The following SHROOM3 variants were observed in gnomAD, a reference collection of about 807,000 sequenced individuals.
SHROOM3 encodes the protein protein Shroom3.
In SHROOM3, 47 loss-of-function variants were observed where a neutral mutation model predicts 138.6. That is an observed-to-expected ratio of 0.34 (90% CI 0.27 to 0.43). SHROOM3 has a LOEUF of 0.43. Among genes scored for constraint, SHROOM3 ranks in the 20% least tolerant of loss-of-function variants. The probability of loss-of-function intolerance (pLI) is 1.00; values close to 1 mark genes in which losing one functional copy is unlikely to be tolerated. For synonymous variants in SHROOM3, 1,062 were observed against 1,063.3 expected (o/e 1.00, Z 0.02); for missense variants, 2,491 against 2,596.5 (o/e 0.96, Z 0.88).
intron 2 of SHROOM3, among the ~76,000 whole-genome samples, chr4:76,708,940 G>C (rs558474907): frequency 7.9e-5 from 12 of 152,090 alleles, no homozygotes; most frequent in Non-Finnish European, 1.5e-4. Flanking sequence ...TCCTAAATTC[G>C]GTGAGAAAAG....
chr4:76,530,305 G>A (rs903136339), intron 1 of SHROOM3, among the ~76,000 whole-genome samples: 3 of 152,132 alleles, frequency 2.0e-5, no homozygotes, highest in Non-Finnish European at 4.4e-5. Context: ...TTTAGGGCAT[G>A]GTTTTGGAAC....
intron 2 of SHROOM3, among the ~76,000 whole-genome samples, chr4:76,653,469 A>T (rs1736003669): frequency 6.6e-6 from 1 of 151,798 alleles, no homozygotes; most frequent in Admixed American, 6.6e-5. Context: ...GAGAACCAGC[A>T]TTCTAGATAC....
intron 1 of SHROOM3, among the ~76,000 whole-genome samples, chr4:76,505,576 T>C (rs1025564991): frequency 2.7e-5 from 4 of 150,830 alleles, no homozygotes; most frequent in African/African-American, 9.7e-5. Flanking sequence ...TAAATAATAA[T>C]ACAACAATAA....
chr4:76,466,571 C>T (rs1420117767), intron 1 of SHROOM3, among the ~76,000 whole-genome samples: 1 of 152,154 alleles, frequency 6.6e-6, no homozygotes, highest in Non-Finnish European at 1.5e-5. Flanking sequence ...ACGTTTTAAC[C>T]TGATGCAGAA....
intron 2 of SHROOM3, among the ~76,000 whole-genome samples, chr4:76,565,160 C>CAAAAAAAAAAAAAAAAAAAAAAAA (rs1166896258): frequency 5.9e-5 from 8 of 135,892 alleles, no homozygotes; most frequent in African/African-American, 2.2e-4. Context: ...GACTCCATTT[C>CAAAAAAAAAAAAAAAAAAAAAAAA]AAAAAAAAAA....
chr4:76,593,040 C>G (rs183782041), intron 2 of SHROOM3, among the ~76,000 whole-genome samples: 63 of 152,270 alleles, frequency 4.1e-4, no homozygotes, highest in African/African-American at 1.4e-3. Context: ...CGAGTGATGA[C>G]TAGCTCAGGA....
At chr4:76,599,761 A>G (rs1325684480) in intron 2 of SHROOM3, among the ~76,000 whole-genome samples, 1 of 152,116 alleles carries the variant, frequency 6.6e-6, no homozygotes, top group African/African-American at 2.4e-5. Context: ...AGCTGTTACG[A>G]GGGTTAAGGA....
At chr4:76,503,901 A>G (rs1732151009) in intron 1 of SHROOM3, among the ~76,000 whole-genome samples, 1 of 152,172 alleles carries the variant, frequency 6.6e-6, no homozygotes, top group Non-Finnish European at 1.5e-5. Context: ...CTTTTATTAA[A>G]GACTTTTCCA....
At chr4:76,568,208 A>T (rs1004452287) in intron 2 of SHROOM3, among the ~76,000 whole-genome samples, 1 of 152,198 alleles carries the variant, frequency 6.6e-6, no homozygotes, top group Non-Finnish European at 1.5e-5. Flanking sequence ...AGGCTGCCTG[A>T]CATTGCCTCT....
chr4:76,755,697 G>A (rs769654157), intron 7 of SHROOM3, among the ~76,000 whole-genome samples: 31 of 152,048 alleles, frequency 2.0e-4, no homozygotes, highest in Non-Finnish European at 4.1e-4. Context: ...ACAGCCTTGA[G>A]GCAGCCTCAG....
chr4:76,703,994 A>G (rs1190771772), intron 2 of SHROOM3, among the ~76,000 whole-genome samples: 1 of 152,242 alleles, frequency 6.6e-6, no homozygotes, highest in African/African-American at 2.4e-5. Context: ...GTCTGTCCCA[A>G]GAAAGCCTGC....
At chr4:76,464,822 C>T (rs773974673) in intron 1 of SHROOM3, among the ~76,000 whole-genome samples, 18 of 152,176 alleles carry the variant, frequency 1.2e-4, no homozygotes, top group Non-Finnish European at 1.9e-4. Context: ...CTTGCTTCCC[C>T]TTCACCTTTT....
At chr4:76,770,335 AAAAAAAAAAAAAAAAACAG>A (rs1465502557) in intron 9 of SHROOM3, among the ~76,000 whole-genome samples, 3 of 147,354 alleles carry the variant, frequency 2.0e-5, no homozygotes, top group Non-Finnish European at 3.0e-5. Flanking sequence ...AAAAAAAAAA[AAAAAAAAAAAAAAAAACAG>A]AAGACAAAGC....
chr4:76,642,666 A>G (rs1442877196), intron 2 of SHROOM3, among the ~76,000 whole-genome samples: 3 of 152,206 alleles, frequency 2.0e-5, no homozygotes, highest in Admixed American at 6.5e-5. Flanking sequence ...ATTTAAGCCG[A>G]ACTGTAAAGA....
chr4:76,576,205 T>A (rs1733933572), intron 2 of SHROOM3, among the ~76,000 whole-genome samples: 1 of 152,234 alleles, frequency 6.6e-6, no homozygotes, highest in Admixed American at 6.5e-5. Context: ...CTCCTGTGTT[T>A]GTTGCAACAT....
chr4:76,483,999 G>C lies in SHROOM3; in HGVS notation c.168+47779G>C, dbSNP rs868454217. ...ACTTACTGGGGCCTGTGGTGGGGTGGGGGGCTAGGGGAGGGATAGCATTAG... is the reference window on the plus strand; with the variant it reads ...ACTTACTGGGGCCTGTGGTGGGGTGCGGGGCTAGGGGAGGGATAGCATTAG... On this transcript the variant is annotated intron_variant, in intron 1 of 10. Coordinates refer to ENST00000296043, the MANE Select transcript of SHROOM3 (RefSeq NM_020859.4). Among the ~76,000 whole-genome samples, 9 of 152,024 alleles carry C rather than the reference G, an allele frequency of 5.9e-5. No homozygotes were observed. In the South Asian group the frequency reaches 1.5e-3, roughly 25 times the overall value.
chr4:76,709,088 C>A (rs1720151894), intron 2 of SHROOM3, among the ~76,000 whole-genome samples: 1 of 152,134 alleles, frequency 6.6e-6, no homozygotes, highest in Non-Finnish European at 1.5e-5. Context: ...CTTTCATTTG[C>A]CTTAGGATTT....
intron 2 of SHROOM3, among the ~76,000 whole-genome samples, chr4:76,615,638 C>T (rs1734859217): frequency 6.6e-6 from 1 of 151,496 alleles, no homozygotes; most frequent in Non-Finnish European, 1.5e-5. Flanking sequence ...GGGGGAGGCA[C>T]CCAGGGCATG....
At chr4:76,492,691 T>C (rs1318538342) in intron 1 of SHROOM3, among the ~76,000 whole-genome samples, 1 of 152,184 alleles carries the variant, frequency 6.6e-6, no homozygotes, top group African/African-American at 2.4e-5. Flanking sequence ...CCCATTGTTG[T>C]TGATAAAAAT....
Sources: gnomAD v4.1 joint callset for allele counts (sites outside exome capture counted in the v4.1 genomes callset) on GRCh38, gnomAD v4.1.1 for gene constraint, MANE v1.5 for transcripts, NCBI Gene and HGNC (gene_info 2026-07-23, HGNC 2026-07-21) for gene names.